SLC8A2: variants seen among roughly 807,000 people sequenced by gnomAD.
The protein encoded by SLC8A2 is solute carrier family 8 member A2, also known as sodium/calcium exchanger 2.
SLC8A2 carries 14 observed loss-of-function variants against 70.2 expected under a neutral mutation model. The ratio of observed to expected loss-of-function variants is 0.20; its 90% CI spans 0.13 to 0.31. The LOEUF is 0.31. Among genes scored for constraint, SLC8A2 ranks in the 10% least tolerant of loss-of-function variants. SLC8A2 has a pLI of 1.00. For synonymous variants in SLC8A2, 575 were observed against 594.3 expected (o/e 0.97, Z 0.47); for missense variants, 779 against 1,320.1 (o/e 0.59, Z 6.35).
At chr19:47,431,033 GTTTGT>G (rs921091029) in intron 9 of SLC8A2, among the ~76,000 whole-genome samples, 6 of 150,314 alleles carry the variant, frequency 4.0e-5, no homozygotes, top group Admixed American at 3.3e-4. Flanking sequence ...TGTATTTTTT[GTTTGT>G]TTTGTTTTGA....
chr19:47,436,132 C>A (rs1267960853), intron 8 of SLC8A2, among the ~76,000 whole-genome samples: 1 of 152,182 alleles, frequency 6.6e-6, no homozygotes, highest in Admixed American at 6.5e-5. Flanking sequence ...TCTCCCTCTG[C>A]CTGAAACACT....
At chr19:47,440,669 G>A (rs552918003) in intron 6 of SLC8A2, among the ~76,000 whole-genome samples, 9 of 151,992 alleles carry the variant, frequency 5.9e-5, no homozygotes, top group African/African-American at 2.2e-4. Context: ...TCGGCTCACC[G>A]CAACCTCCAC....
At chr19:47,446,430 G>GT (rs542205782) in intron 4 of SLC8A2, among the ~76,000 whole-genome samples, 76 of 152,054 alleles carry the variant, frequency 5.0e-4, no homozygotes, top group Middle Eastern at 3.4e-3. Flanking sequence ...GTGTCTGCGT[G>GT]TTTTTTTTCT....
chr19:47,445,201 T>C (rs1482164917), intron 4 of SLC8A2, among the ~76,000 whole-genome samples: 7 of 152,190 alleles, frequency 4.6e-5, no homozygotes, highest in Admixed American at 2.0e-4. Context: ...CTTCGCCTGC[T>C]GGGTTCAAGC....
intron 2 of SLC8A2, among the ~76,000 whole-genome samples, chr19:47,463,197 A>G (rs992889355): frequency 2.7e-5 from 4 of 150,868 alleles, no homozygotes; most frequent in East Asian, 2.0e-4. Flanking sequence ...CAGCGGCGCG[A>G]TCTTGGCGCA....
Position 47,430,054 on chromosome 19 carries a change from G to A in SLC8A2, c.*35C>T, listed in dbSNP as rs1386413350. On this transcript the variant is annotated 3_prime_UTR_variant, in exon 10 of 10. Transcript: ENST00000236877. This position sits in a 1 kb window ranked among gnomAD's most constrained non-coding sequence, Gnocchi z 5.9. Reference sequence around the variant, plus strand: ...CAGGTGCAGCCGAGTCCCTAGCCCCGGGCGGGCGGTGGGGACGAGTCTCTG... The same window carrying A: ...CAGGTGCAGCCGAGTCCCTAGCCCCAGGCGGGCGGTGGGGACGAGTCTCTG... The A allele has an allele frequency of 1.3e-6, 2 of 1,549,900 alleles. No individual in the cohort carries two copies. The highest frequency in any genetic ancestry group is 2.0e-5 in the Admixed American group (1 of 50,644).
chr19:47,433,036 A>G, intron 8 of SLC8A2, among the ~76,000 whole-genome samples: 1 of 152,150 alleles, frequency 6.6e-6, no homozygotes, highest in Non-Finnish European at 1.5e-5. Context: ...AAATGTGGCC[A>G]AGTCAATGCT....
chr19:47,470,710 A>G (rs1044584179), intron 1 of SLC8A2, among the ~76,000 whole-genome samples: 1 of 152,254 alleles, frequency 6.6e-6, no homozygotes, highest in Non-Finnish European at 1.5e-5. Context: ...GGACTGGTCC[A>G]GTTACACGAG....
chr19:47,431,217 C>T (rs183844830), intron 9 of SLC8A2, among the ~76,000 whole-genome samples: 2 of 151,502 alleles, frequency 1.3e-5, no homozygotes, highest in East Asian at 4.0e-4. Context: ...TTTGTAGATA[C>T]GGGGTTTCAC....
At chr19:47,459,802 C>T (rs112311387) in intron 2 of SLC8A2, among the ~76,000 whole-genome samples, 5 of 151,916 alleles carry the variant, frequency 3.3e-5, no homozygotes, top group East Asian at 1.9e-4. Context: ...TGTGTGTGTG[C>T]GCACATGTGT....
intron 8 of SLC8A2, among the ~76,000 whole-genome samples, chr19:47,435,193 G>A (rs757290222): frequency 2.6e-5 from 4 of 151,968 alleles, no homozygotes; most frequent in Non-Finnish European, 5.9e-5. Flanking sequence ...ACTCCAGCCT[G>A]GATGACAGAG....
intron 2 of SLC8A2, among the ~76,000 whole-genome samples, chr19:47,459,688 T>C (rs1165597354): frequency 6.9e-6 from 1 of 145,670 alleles, no homozygotes; most frequent in Non-Finnish European, 1.5e-5. Flanking sequence ...TGTGTGTGCA[T>C]GGGTGTGTCC....
intron 3 of SLC8A2, among the ~76,000 whole-genome samples, chr19:47,452,441 AGAGAGTGTGT>A (rs1460436762): frequency 8.7e-3 from 563 of 64,900 alleles, no homozygotes; most frequent in Non-Finnish European, 0.012. Flanking sequence ...AGAGAGAGAG[AGAGAGTGTGT>A]GTGTGTGTGT....
intron 2 of SLC8A2, among the ~76,000 whole-genome samples, chr19:47,464,522 C>T (rs888034968): frequency 3.3e-5 from 5 of 152,258 alleles, no homozygotes; most frequent in African/African-American, 1.2e-4. Context: ...GAAACTCTCT[C>T]CTCTTTCTCT....
chr19:47,430,145 G>A lies in SLC8A2; in HGVS notation c.2710C>T (p.Leu904Phe), dbSNP rs1966935853. 2 of 1,594,846 alleles carry A rather than the reference G, an allele frequency of 1.3e-6. No homozygotes were observed. The highest frequency in any genetic ancestry group is 1.7e-6 in the Non-Finnish European group (2 of 1,170,742). The change falls in exon 10 of 10, where the codon CTC (leucine) becomes TTC (phenylalanine). Residue 904 changes from leucine to phenylalanine, a missense_variant. Coordinates refer to ENST00000236877, the MANE Select transcript of SLC8A2 (RefSeq NM_015063.3). The surrounding 1 kb of genome is among the most constrained non-coding windows in gnomAD (Gnocchi z 5.9). The part of the protein sequence containing the change: ...ATTALFLGLW[L>F]LYILFASLEA... ...AGGCTGGCGAAGAGGATGTACAGGA[G>A]CCAGAGGCCCAGGAAGAGCGCGGTG...
At position 47,429,925 on chromosome 19, in the gene SLC8A2, C is replaced by T. The variant is rs1966928561; in HGVS notation, c.*164G>A. 1.8e-6 allele frequency: 1 copy of T among 553,626 alleles called. No individual in the cohort carries two copies. The highest frequency in any genetic ancestry group is 2.1e-5 in the South Asian group (1 of 47,874). 34.3% of individuals were successfully genotyped at this position (553,626 alleles called of 1,614,324 possible). A position where few individuals can be genotyped will look rare whatever the true frequency, so the allele number is the denominator to read the frequency against. On this transcript the variant is annotated 3_prime_UTR_variant, in exon 10 of 10. Coordinates refer to ENST00000236877, the MANE Select transcript of SLC8A2 (RefSeq NM_015063.3). ...AGAGGGAAGGCTGAGCTACTGGGGA[C>T]ACAGAACAGGGCAATCAAAGCCAGG... is the stretch of plus-strand genomic sequence containing the variant.
At chr19:47,460,204 C>G (rs779135645) in intron 2 of SLC8A2, among the ~76,000 whole-genome samples, 5 of 152,196 alleles carry the variant, frequency 3.3e-5, no homozygotes, top group Non-Finnish European at 7.3e-5. Flanking sequence ...AGACACACAT[C>G]TGGCTCTTCT....
At chr19:47,441,465 A>C (rs1967098871) in intron 4 of SLC8A2, 25 bp from the exon 5 acceptor site, 1 of 1,438,574 alleles carries the variant, frequency 7.0e-7, no homozygotes, top group Admixed American at 1.8e-5. Flanking sequence ...AGGGGGAGGC[A>C]GAACACTCAG....
intron 1 of SLC8A2, among the ~76,000 whole-genome samples, chr19:47,467,021 T>C (rs944519515): frequency 6.6e-6 from 1 of 152,124 alleles, no homozygotes; most frequent in African/African-American, 2.4e-5. Context: ...GGCGCTACTG[T>C]ACTCCAGCCT....
Sources: allele counts gnomAD v4.1 joint callset (sites outside exome capture counted in the v4.1 genomes callset), GRCh38; gene constraint gnomAD v4.1.1; non-coding constraint Gnocchi (gnomAD v3.1); transcripts MANE v1.5; gene names NCBI Gene and HGNC (gene_info 2026-07-23, HGNC 2026-07-21).